The following EVL variants were observed in gnomAD, a reference collection of about 807,000 sequenced individuals.
EVL encodes the protein ena/VASP-like protein.
In EVL, 21 loss-of-function variants were observed where a neutral mutation model predicts 59.6. The observed-to-expected ratio is 0.35, with a 90% confidence interval of 0.25 to 0.51. The LOEUF (loss-of-function observed/expected upper bound fraction) is 0.51, where lower values mean the gene tolerates loss of function less well. EVL is among the 20% of genes least tolerant of loss of function. The pLI, the probability that EVL is intolerant of heterozygous loss-of-function variation, is 0.97. For missense variants in EVL, 462 were observed against 546.6 expected (o/e 0.85, Z 1.54); for synonymous variants, 198 against 203.5 (o/e 0.97, Z 0.23).
chr14:99,987,461 G>A (rs952923486), intron 1 of EVL, among the ~76,000 whole-genome samples: 3 of 152,190 alleles, frequency 2.0e-5, no homozygotes, highest in East Asian at 3.9e-4. Flanking sequence ...GGCCAACATG[G>A]CAAAACCCTG....
intron 3 of EVL, 116 bp from the exon 4 acceptor site, chr14:100,123,422 TC>T (rs1887824632): frequency 1.0e-6 from 1 of 960,506 alleles, no homozygotes; most frequent in African/African-American, 1.6e-5. Flanking sequence ...TTAAAAAGAT[TC>T]TTAAGGATGT....
chr14:99,975,878 T>C (rs540260496), intron 1 of EVL, among the ~76,000 whole-genome samples: 25 of 152,326 alleles, frequency 1.6e-4, no homozygotes, highest in African/African-American at 5.8e-4. Context: ...CTCTGCATTT[T>C]ACATGTTTCT....
intron 1 of EVL, among the ~76,000 whole-genome samples, chr14:100,033,443 C>A (rs1346275132): frequency 6.6e-6 from 1 of 152,146 alleles, no homozygotes; most frequent in Non-Finnish European, 1.5e-5. Flanking sequence ...GTTAAATCAC[C>A]TCCTCAAAGT....
At chr14:100,066,718 G>A (rs777885089) in intron 1 of EVL, among the ~76,000 whole-genome samples, 34 of 152,086 alleles carry the variant, frequency 2.2e-4, no homozygotes, top group South Asian at 4.1e-4. Context: ...TTATTCTACC[G>A]TGTCAATTAC....
chr14:100,024,737 C>A (rs144062585), intron 1 of EVL, among the ~76,000 whole-genome samples: 1 of 152,160 alleles, frequency 6.6e-6, no homozygotes, highest in East Asian at 1.9e-4. Context: ...GTCCTAAACT[C>A]TGGGCCCATA....
At chr14:100,090,421 C>T (rs1261043688) in intron 2 of EVL, among the ~76,000 whole-genome samples, 1 of 152,156 alleles carries the variant, frequency 6.6e-6, no homozygotes, top group Non-Finnish European at 1.5e-5. Flanking sequence ...ATGAGAGAAA[C>T]AAAGCCTGCT....
chr14:100,079,045 G>T (rs1370052002), intron 1 of EVL, among the ~76,000 whole-genome samples: 1 of 152,214 alleles, frequency 6.6e-6, no homozygotes, highest in African/African-American at 2.4e-5. Flanking sequence ...AGCAGAAGAG[G>T]GCAGCCTGTA....
intron 2 of EVL, among the ~76,000 whole-genome samples, chr14:100,094,107 G>T (rs1375171138): frequency 6.6e-6 from 1 of 151,802 alleles, no homozygotes; most frequent in Non-Finnish European, 1.5e-5. Flanking sequence ...GGATAAGCGG[G>T]GACTACCATA....
chr14:100,013,800 G>T (rs1170419927), intron 1 of EVL, among the ~76,000 whole-genome samples: 3 of 152,220 alleles, frequency 2.0e-5, no homozygotes, highest in Admixed American at 6.5e-5. Context: ...AGCATACAAT[G>T]GTCAGATTGT....
In EVL at chr14:100,045,997, C is replaced by G. The variant is rs115441304; in HGVS notation, c.6-38690C>G. 5.3e-5 allele frequency among the ~76,000 whole-genome samples: 8 copies of G among 152,262 alleles called. No individual in the cohort carries two copies. The South Asian group carries it at 1.0e-3, about 20-fold the overall frequency. On this transcript the variant is annotated intron_variant, in intron 1 of 13. Coordinates refer to the EVL transcript ENST00000402714. ...GAACAGCTCAGAGCAGAAATAAAAT[C>G]TTCAGAAGAGACCTGTTTGATTTGA...
At chr14:100,066,013 T>A (rs1407248784) in intron 1 of EVL, among the ~76,000 whole-genome samples, 1 of 152,226 alleles carries the variant, frequency 6.6e-6, no homozygotes, top group Non-Finnish European at 1.5e-5. Flanking sequence ...AGGCTATTGC[T>A]GTTGAGCACA....
chr14:100,129,833 C>A, intron 7 of EVL, 149 bp downstream of exon 7: 1 of 1,239,994 alleles, frequency 8.1e-7, no homozygotes, highest in Non-Finnish European at 1.1e-6. Context: ...TAAGTTTTCC[C>A]TTCCCAAGGG....
intron 1 of EVL, among the ~76,000 whole-genome samples, chr14:100,016,815 AC>A (rs2061054881): frequency 6.6e-6 from 1 of 152,022 alleles, no homozygotes. Context: ...TGAGGTGTCT[AC>A]CTCTCACTTC....
intron 11 of EVL, 142 bp downstream of exon 11, chr14:100,137,944 C>T (rs1888916258): frequency 1.5e-5 from 12 of 791,334 alleles, no homozygotes; most frequent in Non-Finnish European, 2.5e-5. Flanking sequence ...TTCTTTCAGA[C>T]CCAGGACCTC....
intron 11 of EVL, chr14:100,140,215 T>C (rs939300899): frequency 3.3e-5 from 5 of 152,248 alleles, no homozygotes; most frequent in Non-Finnish European, 5.9e-5. Context: ...CCAGCCTGGT[T>C]GACAGAGTGA....
At chr14:99,985,127 T>C (rs1037342062) in intron 1 of EVL, among the ~76,000 whole-genome samples, 2 of 149,966 alleles carry the variant, frequency 1.3e-5, no homozygotes, top group Non-Finnish European at 3.0e-5. Flanking sequence ...ACATTTTTGC[T>C]TGACAGATAT....
intron 3 of EVL, among the ~76,000 whole-genome samples, chr14:100,101,806 G>A (rs1399960878): frequency 2.6e-5 from 4 of 152,150 alleles, no homozygotes; most frequent in Non-Finnish European, 2.9e-5. Context: ...ATTAATCTTT[G>A]TAAACACAAG....
At chr14:100,113,428 G>C (rs1375443124) in intron 3 of EVL, among the ~76,000 whole-genome samples, 3 of 152,172 alleles carry the variant, frequency 2.0e-5, no homozygotes, top group African/African-American at 4.8e-5. Context: ...ACTCAGCGGT[G>C]GGTGTTGCTC....
At position 100,132,703 on chromosome 14, in the gene EVL, C is replaced by T. The variant is rs1191923656; in HGVS notation, c.840-16C>T. On this transcript the variant is annotated splice_polypyrimidine_tract_variant and intron_variant, in intron 7 of 13. Transcript: ENST00000392920. ...CGTGAGGAGCTGATCTGTATCTTCCCCTTCTCTGTGCCTAGGAGAAAAGCA... is the reference window on the plus strand; with the variant it reads ...CGTGAGGAGCTGATCTGTATCTTCCTCTTCTCTGTGCCTAGGAGAAAAGCA... 1.2e-6 allele frequency: 2 copies of T among 1,613,998 alleles called. No homozygotes were observed. The highest frequency in any genetic ancestry group is 2.2e-5 in the East Asian group (1 of 44,896).
Sources: allele counts gnomAD v4.1 joint callset (sites outside exome capture counted in the v4.1 genomes callset), GRCh38; gene constraint gnomAD v4.1.1; transcripts MANE v1.5; gene names NCBI Gene and HGNC (gene_info 2026-07-23, HGNC 2026-07-21).